IQSEC1: variants seen among roughly 807,000 people sequenced by gnomAD.
IQSEC1 encodes IQ motif and SEC7 domain-containing protein 1.
In IQSEC1, 31 loss-of-function variants were observed where a neutral mutation model predicts 91.0. The observed-to-expected ratio is 0.34, with a 90% CI of 0.26 to 0.46. IQSEC1 has a LOEUF of 0.46. Ranked by LOEUF, IQSEC1 falls within the 20% of genes least tolerant of loss-of-function variation. The pLI is 1.00. For synonymous variants in IQSEC1, 699 were observed against 662.6 expected (o/e 1.05, Z -0.84); for missense variants, 1,388 against 1,575.6 (o/e 0.88, Z 2.02).
At position 12,909,225 on chromosome 3, in the gene IQSEC1, C is replaced by T. The variant is rs1241371067; in HGVS notation, c.2578+48G>A. 2 of 1,596,496 alleles carry T rather than the reference C, an allele frequency of 1.3e-6. No individual in the cohort carries two copies. Among genetic ancestry groups the T allele is most frequent in the Non-Finnish European group, 1.7e-6 (2 of 1,167,300 alleles). ...TGCCCTGACATGGGGAGGCAAGTGC[C>T]AGAGTCTGGCAAGTCTCGGCCTTCT... On this transcript the variant is annotated intron_variant, in intron 11 of 13. Coordinates refer to ENST00000613206, the MANE Select transcript of IQSEC1 (RefSeq NM_001134382.3). The surrounding 1 kb of genome is among the most constrained non-coding windows in gnomAD (Gnocchi z 4.9).
At chr3:12,943,266 C>T (rs529871124) in intron 1 of IQSEC1, among the ~76,000 whole-genome samples, 2 of 152,328 alleles carry the variant, frequency 1.3e-5, no homozygotes, top group East Asian at 1.9e-4. Flanking sequence ...ATTTCTCTGA[C>T]ATCTCCAAGC....
chr3:13,075,225 C>T (rs1705544696), upstream of IQSEC1, among the ~76,000 whole-genome samples: 3 of 152,182 alleles, frequency 2.0e-5, no homozygotes. Flanking sequence ...ATCAGGAGGG[C>T]TCACTTTGTG....
intron 6 of IQSEC1, among the ~76,000 whole-genome samples, chr3:12,917,353 G>A (rs1696196569): frequency 6.6e-6 from 1 of 152,194 alleles, no homozygotes; most frequent in Non-Finnish European, 1.5e-5. Context: ...ATAGCACCAC[G>A]CAGAACAGTG....
rs1022718347 is a variant in IQSEC1, at chr3:12,909,683, T to A, written c.2417-249A>T. ...AGTGGTCGAGCTCAGGGGAGGCTGC[T>A]GGGGCCGCGTCCTGGAGGAGGACAG... On this transcript the variant is annotated intron_variant, in intron 10 of 13. Coordinates refer to ENST00000613206, the MANE Select transcript of IQSEC1 (RefSeq NM_001134382.3). The surrounding 1 kb of genome is among the most constrained non-coding windows in gnomAD (Gnocchi z 4.9). 1.3e-5 allele frequency among the ~76,000 whole-genome samples: 2 copies of A among 152,220 alleles called. No homozygotes were observed. The highest frequency in any genetic ancestry group is 3.9e-4 in the East Asian group (2 of 5,192).
At chr3:13,031,911 A>G (rs1420490508) in intron 1 of IQSEC1, among the ~76,000 whole-genome samples, 1 of 152,132 alleles carries the variant, frequency 6.6e-6, no homozygotes, top group Non-Finnish European at 1.5e-5. Flanking sequence ...GAGCCCCTGC[A>G]GCCAGCCCTC....
intron 1 of IQSEC1, among the ~76,000 whole-genome samples, chr3:13,028,035 CCCCAGGAAGCTG>C (rs1281602417): frequency 6.6e-6 from 1 of 152,194 alleles, no homozygotes; most frequent in Non-Finnish European, 1.5e-5. Flanking sequence ...CTGCCTCCTC[CCCCAGGAAGCTG>C]CCCATGATTG....
chr3:12,964,815 A>C (rs1273635063), intron 1 of IQSEC1, among the ~76,000 whole-genome samples: 1 of 152,128 alleles, frequency 6.6e-6, no homozygotes, highest in African/African-American at 2.4e-5. Flanking sequence ...ATAAAACCGT[A>C]TGCACACACA....
chr3:13,213,544 C>T (rs1046273074), intron 1 of IQSEC1, among the ~76,000 whole-genome samples: 13 of 152,198 alleles, frequency 8.5e-5, no homozygotes, highest in African/African-American at 1.4e-4. Flanking sequence ...TCATCACCCA[C>T]GTTCTTGGAA....
At chr3:13,247,225 C>T (rs1003628874) in intron 1 of IQSEC1, among the ~76,000 whole-genome samples, 1 of 152,178 alleles carries the variant, frequency 6.6e-6, no homozygotes, top group Non-Finnish European at 1.5e-5. Flanking sequence ...AATAGATGTG[C>T]CTGCCCAGAC....
intron 1 of IQSEC1, among the ~76,000 whole-genome samples, chr3:13,002,359 C>A (rs2124837366): frequency 6.6e-6 from 1 of 152,116 alleles, no homozygotes; most frequent in South Asian, 2.1e-4. Flanking sequence ...AAATTAAAAA[C>A]TTTTGCACTT....
intron 1 of IQSEC1, among the ~76,000 whole-genome samples, chr3:13,031,460 A>G (rs1703838765): frequency 6.6e-6 from 1 of 152,234 alleles, no homozygotes; most frequent in Non-Finnish European, 1.5e-5. Flanking sequence ...GAGGAAACCG[A>G]GGTCCACAGT....
In IQSEC1 at chr3:13,191,592, C is replaced by T. The variant is rs113110307; in HGVS notation, c.273-27459G>A. On this transcript the variant is annotated intron_variant, in intron 1 of 15. Coordinates refer to the IQSEC1 transcript ENST00000648114. ...CCTCAAGTGATCCACCTGCCTCTGC[C>T]TCTCAAAGTGCTGGGATTACAGGCA... Among the ~76,000 whole-genome samples the T allele has an allele frequency of 3.7e-3, 563 of 150,628 alleles. 6 individuals are homozygous for T. Among genetic ancestry groups the T allele is most frequent in the African/African-American group, 0.013 (515 of 41,018 alleles).
chr3:12,910,368 C>T (rs1695448344), intron 10 of IQSEC1, among the ~76,000 whole-genome samples: 1 of 152,214 alleles, frequency 6.6e-6, no homozygotes, highest in South Asian at 2.1e-4. Context: ...GCAGCCTCTG[C>T]CCTGATGGTC....
intron 2 of IQSEC1, among the ~76,000 whole-genome samples, chr3:13,089,369 C>T (rs1291493380): frequency 1.3e-5 from 2 of 152,156 alleles, no homozygotes; most frequent in East Asian, 1.9e-4. Context: ...TACTTGAGCC[C>T]AGGAGTTTGA....
chr3:12,977,192 T>TA (rs540464567), intron 1 of IQSEC1, among the ~76,000 whole-genome samples: 322 of 151,824 alleles, frequency 2.1e-3, no homozygotes, highest in African/African-American at 7.1e-3. Context: ...ACTAAAAATA[T>TA]AAAAAATTAG....
In IQSEC1 at chr3:13,015,473, C is replaced by T. The variant is rs1046184662; in HGVS notation, c.23+57519G>A. Reference sequence around the variant, plus strand: ...AAACAGTGAAAACTCTGACGACAGCCCCCAAGACCCTCACCACGGCAGGCT... The same window carrying T: ...AAACAGTGAAAACTCTGACGACAGCTCCCAAGACCCTCACCACGGCAGGCT... On this transcript the variant is annotated intron_variant, in intron 1 of 13. Coordinates refer to ENST00000613206, the MANE Select transcript of IQSEC1 (RefSeq NM_001134382.3). 5.6e-6 allele frequency: 4 copies of T among 715,100 alleles called. No individual in the cohort carries two copies. In the African/African-American group the frequency reaches 7.7e-5, roughly 14 times the overall value. 44.3% of individuals were successfully genotyped at this position (715,100 alleles called of 1,614,324 possible). A position where few individuals can be genotyped will look rare whatever the true frequency, so the allele number is the denominator to read the frequency against.
chr3:13,097,535 A>C (rs1180997431), intron 2 of IQSEC1, among the ~76,000 whole-genome samples: 1 of 151,990 alleles, frequency 6.6e-6, no homozygotes, highest in African/African-American at 2.4e-5. Context: ...CAGTCTTTCC[A>C]TCTGTGAACC....
At chr3:13,023,698 G>A (rs1703497223) in intron 1 of IQSEC1, among the ~76,000 whole-genome samples, 1 of 152,206 alleles carries the variant, frequency 6.6e-6, no homozygotes, top group African/African-American at 2.4e-5. Flanking sequence ...TCAAGGATTA[G>A]CAGCTGCAGG....
rs1041730846 is a variant in IQSEC1, at chr3:13,207,786, C to T, written c.273-43653G>A. On this transcript the variant is annotated intron_variant, in intron 1 of 15. Coordinates refer to the IQSEC1 transcript ENST00000648114. The surrounding 1 kb of genome is among the most constrained non-coding windows in gnomAD (Gnocchi z 4.8). ...ACCATCGCATCTAAACCAACCATCC[C>T]TGCCACCCGGCCACGTGGTCCGGCC... 6.6e-6 allele frequency among the ~76,000 whole-genome samples: 1 copy of T among 152,204 alleles called. No individual in the cohort carries two copies. The highest frequency in any genetic ancestry group is 2.4e-5 in the African/African-American group (1 of 41,450).
Sources: gnomAD v4.1 joint callset for allele counts (sites outside exome capture counted in the v4.1 genomes callset) on GRCh38, gnomAD v4.1.1 for gene constraint, Gnocchi (gnomAD v3.1) non-coding constraint, MANE v1.5 for transcripts, NCBI Gene and HGNC (gene_info 2026-07-23, HGNC 2026-07-21) for gene names.